Variants in CABIN1 observed in about 807,000 individuals in gnomAD.
CABIN1 encodes the protein calcineurin-binding protein cabin-1.
A neutral mutation model predicts 227.7 loss-of-function variants in CABIN1; 133 were observed. That is an observed-to-expected ratio of 0.58 (90% CI 0.51 to 0.67). The LOEUF is 0.67. CABIN1 is among the 30% of genes least tolerant of loss of function. The probability of loss-of-function intolerance (pLI) is 0.00; values close to 1 mark genes in which losing one functional copy is unlikely to be tolerated. For missense variants in CABIN1, 2,408 were observed against 2,852.5 expected, an observed-to-expected ratio of 0.84 and a Z score of 3.55; for synonymous variants, 1,086 against 1,155.1, an observed-to-expected ratio of 0.94 and a Z score of 1.21.
rs2036855868 is a variant in CABIN1, at chr22:24,036,019, C to T, written c.4-70C>T. The T allele has an allele frequency of 1.0e-5, 10 of 976,128 alleles. No homozygotes were observed. The South Asian group carries it at 1.3e-4, about 12-fold the overall frequency. 60.5% of individuals were successfully genotyped at this position (976,128 alleles called of 1,614,324 possible). A position where few individuals can be genotyped will look rare whatever the true frequency, so the allele number is the denominator to read the frequency against. On this transcript the variant is annotated intron_variant, in intron 2 of 36. Coordinates refer to ENST00000263119, the MANE Select transcript of CABIN1 (RefSeq NM_012295.4). ...TATGCTGGAGCAGAATTGTATTCAT[C>T]TGTGGGTATTTGAAGAGATGAGTGA... is the stretch of plus-strand genomic sequence containing the variant.
chr22:24,073,616 ACTAT>A (rs1462079580), intron 18 of CABIN1, among the ~76,000 whole-genome samples: 3 of 152,196 alleles, frequency 2.0e-5, no homozygotes, highest in African/African-American at 7.2e-5. Context: ...AGACAGATCA[ACTAT>A]CTAACACCAG....
chr22:24,145,614 C>G (rs553388939), intron 29 of CABIN1, among the ~76,000 whole-genome samples: 1 of 152,118 alleles, frequency 6.6e-6, no homozygotes, highest in African/African-American at 2.4e-5. Context: ...TCAGATCTGT[C>G]GTCCCGTGTG....
intron 29 of CABIN1, 42 bp downstream of exon 29, chr22:24,134,457 C>G: frequency 6.7e-7 from 1 of 1,493,204 alleles, no homozygotes; most frequent in Middle Eastern, 1.7e-4. Context: ...TGTTTGTTGC[C>G]ACTGCTTTTC....
intron 4 of CABIN1, 98 bp from the exon 5 acceptor site, chr22:24,041,041 G>A: frequency 1.4e-6 from 2 of 1,446,592 alleles, no homozygotes; most frequent in Non-Finnish European, 1.9e-6. Flanking sequence ...CTGGCTCAAG[G>A]GCCTGCAGCA....
At chr22:24,059,429 T>C (rs903701219) in intron 11 of CABIN1, 66 bp downstream of exon 11, 2 of 1,578,366 alleles carry the variant, frequency 1.3e-6, no homozygotes, top group Non-Finnish European at 1.7e-6. Flanking sequence ...ATAACCTGCT[T>C]ATGTTTTGTT....
chr22:24,059,319 G>T lies in CABIN1; in HGVS notation c.1355G>T (p.Gly452Val), dbSNP rs370095352. 26 of 1,614,026 alleles carry T rather than the reference G, an allele frequency of 1.6e-5. No individual in the cohort carries two copies. The highest frequency in any genetic ancestry group is 2.0e-5 in the Non-Finnish European group (24 of 1,180,020). ...AAACTGGAAAGCTTCCCAAGCATTGGGCCTCAAAGGCTGTCATTTGACTCA... is the reference window on the plus strand; with the variant it reads ...AAACTGGAAAGCTTCCCAAGCATTGTGCCTCAAAGGCTGTCATTTGACTCA... ...EAKLESFPSI[G>V]PQRLSFDSAT... Residue 452 changes from glycine (G) to valine (V), a missense_variant, in exon 11 of 37, where the codon GGG (glycine) becomes GTG (valine). Physicochemically the swap from Gly to Val is moderately radical, Grantham distance 109. Coordinates refer to ENST00000263119, the MANE Select transcript of CABIN1 (RefSeq NM_012295.4).
Position 24,168,531 on chromosome 22 carries a change from A to G in CABIN1, c.5757+10A>G, listed in dbSNP as rs932824021. 1.9e-5 allele frequency: 30 copies of G among 1,551,690 alleles called. No homozygotes were observed. The highest frequency in any genetic ancestry group is 2.5e-5 in the Non-Finnish European group (29 of 1,146,790). The stretch of plus-strand genomic sequence containing the variant: ...TGCCGCCCAGAGACAGGTAAGCCCA[A>G]TTTAGCCTGTGCCAGCCTCATCTTG... On this transcript the variant is annotated intron_variant, in intron 33 of 36. Coordinates refer to ENST00000263119, the MANE Select transcript of CABIN1 (RefSeq NM_012295.4).
At chr22:24,176,420 G>T in intron 35 of CABIN1, 145 bp downstream of exon 35, 1 of 966,546 alleles carries the variant, frequency 1.0e-6, no homozygotes, top group South Asian at 1.4e-5. Flanking sequence ...TGGGGGTAGT[G>T]CAGGCTGGAC....
At chr22:24,132,359 C>T (rs2044128996) in intron 28 of CABIN1, among the ~76,000 whole-genome samples, 1 of 152,090 alleles carries the variant, frequency 6.6e-6, no homozygotes, top group South Asian at 2.1e-4. Flanking sequence ...ACCCCTTTCT[C>T]CCCACCCTGT....
At chr22:24,024,885 G>A (rs1442253553) in intron 1 of CABIN1, among the ~76,000 whole-genome samples, 4 of 151,882 alleles carry the variant, frequency 2.6e-5, no homozygotes, top group Admixed American at 1.3e-4. Flanking sequence ...ATCTCATCTT[G>A]TTCTTACATT....
chr22:24,141,212 T>C (rs2044737650), intron 29 of CABIN1, among the ~76,000 whole-genome samples: 1 of 152,228 alleles, frequency 6.6e-6, no homozygotes, highest in South Asian at 2.1e-4. Flanking sequence ...CTGGCTTGAA[T>C]GGAGCAGCCT....
At chr22:24,166,614 C>G (rs763314108) in intron 31 of CABIN1, 25 bp from the exon 32 acceptor site, 2 of 1,612,648 alleles carry the variant, frequency 1.2e-6, no homozygotes, top group South Asian at 2.2e-5. Context: ...AGCGACACAG[C>G]TTCTTACCTT....
chr22:24,095,256 C>G (rs1015586012), intron 24 of CABIN1, among the ~76,000 whole-genome samples: 1 of 152,392 alleles, frequency 6.6e-6, no homozygotes, highest in East Asian at 1.9e-4. Flanking sequence ...CACACCCACT[C>G]CTGCATGAGA....
At chr22:24,165,425 A>G in intron 30 of CABIN1, 105 bp from the exon 31 acceptor site, 1 of 1,058,372 alleles carries the variant, frequency 9.4e-7, no homozygotes, top group Admixed American at 2.0e-5. Flanking sequence ...ACTGAGGAAC[A>G]AACAGGCATC....
chr22:24,055,822 G>T (rs2038750187), intron 9 of CABIN1, among the ~76,000 whole-genome samples: 1 of 152,184 alleles, frequency 6.6e-6, no homozygotes, highest in Non-Finnish European at 1.5e-5. Context: ...ATTGCTGAGT[G>T]CTCAGAGGGT....
intron 8 of CABIN1, among the ~76,000 whole-genome samples, chr22:24,053,912 G>A (rs1452395410): frequency 1.3e-5 from 2 of 152,162 alleles, no homozygotes; most frequent in Non-Finnish European, 2.9e-5. Flanking sequence ...TGCTCTAGGG[G>A]TTGGGGAAGG....
intron 26 of CABIN1, among the ~76,000 whole-genome samples, chr22:24,111,820 C>T (rs2042823933): frequency 6.6e-6 from 1 of 152,178 alleles, no homozygotes; most frequent in Admixed American, 6.5e-5. Context: ...TGTCTAGTGA[C>T]CTGTTTTCAA....
At chr22:24,089,979 G>A (rs953272095) in intron 23 of CABIN1, among the ~76,000 whole-genome samples, 3 of 152,174 alleles carry the variant, frequency 2.0e-5, no homozygotes, top group African/African-American at 7.2e-5. Context: ...CCTCTCATGG[G>A]CACCCCATAT....
chr22:24,132,330 G>A (rs2044127042), intron 28 of CABIN1, among the ~76,000 whole-genome samples: 1 of 152,100 alleles, frequency 6.6e-6, no homozygotes, highest in African/African-American at 2.4e-5. Flanking sequence ...TCCTTTTAAT[G>A]AAGCATACCT....
Sources: allele counts gnomAD v4.1 joint callset (sites outside exome capture counted in the v4.1 genomes callset), GRCh38; gene constraint gnomAD v4.1.1; transcripts MANE v1.5; gene names NCBI Gene and HGNC (gene_info 2026-07-23, HGNC 2026-07-21).